Variants in RORA observed in about 807,000 individuals in gnomAD.
RORA encodes the protein nuclear receptor ROR-alpha.
RORA carries 7 observed loss-of-function variants against 69.5 expected under a neutral mutation model. That is an observed-to-expected ratio of 0.10 (90% CI 0.06 to 0.19). The LOEUF is 0.19. Ranked by LOEUF, RORA falls within the 10% of genes least tolerant of loss-of-function variation. The probability of loss-of-function intolerance (pLI) is 1.00; values close to 1 mark genes in which losing one functional copy is unlikely to be tolerated. For missense variants in RORA, 457 were observed against 663.0 expected (o/e 0.69, Z 3.41); for synonymous variants, 261 against 240.8 (o/e 1.08, Z -0.78).
intron 1 of RORA, among the ~76,000 whole-genome samples, chr15:60,781,343 C>T (rs911802717): frequency 2.0e-5 from 3 of 152,174 alleles, no homozygotes; most frequent in African/African-American, 7.2e-5. Context: ...AGGCCACACA[C>T]ATAAGCGAGG....
chr15:60,767,710 T>C (rs2072011611), intron 1 of RORA, among the ~76,000 whole-genome samples: 1 of 152,236 alleles, frequency 6.6e-6, no homozygotes, highest in South Asian at 2.1e-4. Context: ...TTGTGTATTC[T>C]ATTCCCTGTC....
At chr15:60,562,543 C>T (rs1483448338) in intron 2 of RORA, among the ~76,000 whole-genome samples, 1 of 151,960 alleles carries the variant, frequency 6.6e-6, no homozygotes, top group African/African-American at 2.4e-5. Flanking sequence ...TCAGGCGATT[C>T]TCCTGCCTCA....
chr15:60,533,622 C>T (rs1164191121), intron 2 of RORA, among the ~76,000 whole-genome samples: 3 of 152,158 alleles, frequency 2.0e-5, no homozygotes, highest in African/African-American at 4.8e-5. Context: ...TTTTCAGAGA[C>T]GTGGAAAAGC....
chr15:61,227,582 G>C (rs1596087073), intron 1 of RORA, among the ~76,000 whole-genome samples: 3 of 152,084 alleles, frequency 2.0e-5, no homozygotes, highest in Non-Finnish European at 2.9e-5. Flanking sequence ...TAAGGTGGGG[G>C]GGGGGATACT....
At chr15:60,635,688 T>C (rs550423048) in intron 2 of RORA, among the ~76,000 whole-genome samples, 1 of 152,316 alleles carries the variant, frequency 6.6e-6, no homozygotes, top group South Asian at 2.1e-4. Flanking sequence ...AAGGGTGCTA[T>C]GTGGCATTCC....
intron 2 of RORA, among the ~76,000 whole-genome samples, chr15:60,634,300 T>A (rs537841824): frequency 6.6e-6 from 1 of 152,344 alleles, no homozygotes; most frequent in South Asian, 2.1e-4. Flanking sequence ...ACTTGCACTT[T>A]CCCACAGTCC....
chr15:61,209,971 G>A (rs778899394), intron 1 of RORA, among the ~76,000 whole-genome samples: 37 of 152,228 alleles, frequency 2.4e-4, no homozygotes, highest in Admixed American at 1.0e-3. Context: ...CAACTTCCCC[G>A]CCACAGAACC....
At chr15:60,629,904 G>A (rs1281475088) in intron 2 of RORA, among the ~76,000 whole-genome samples, 1 of 152,206 alleles carries the variant, frequency 6.6e-6, no homozygotes, top group African/African-American at 2.4e-5. Flanking sequence ...ATGAATGAAA[G>A]TAACACAAAA....
intron 1 of RORA, among the ~76,000 whole-genome samples, chr15:61,145,897 A>G (rs925258780): frequency 3.3e-5 from 5 of 152,184 alleles, no homozygotes; most frequent in Non-Finnish European, 7.3e-5. Context: ...TATGAATCCC[A>G]CAGAAAGAGA....
At chr15:61,060,243 G>A (rs1015947068) in intron 1 of RORA, among the ~76,000 whole-genome samples, 3 of 152,266 alleles carry the variant, frequency 2.0e-5, no homozygotes, top group East Asian at 1.9e-4. Flanking sequence ...TCTCCACCAC[G>A]CCTAGTATCC....
intron 1 of RORA, among the ~76,000 whole-genome samples, chr15:61,150,887 T>A (rs2079391646): frequency 6.6e-6 from 1 of 152,192 alleles, no homozygotes; most frequent in South Asian, 2.1e-4. Flanking sequence ...CAGCTGCCCT[T>A]TGGTGCTTTC....
chr15:61,151,859 A>C (rs2079400894), intron 1 of RORA, among the ~76,000 whole-genome samples: 1 of 152,128 alleles, frequency 6.6e-6, no homozygotes, highest in Non-Finnish European at 1.5e-5. Context: ...AAAAAACCTA[A>C]ATTCTGGATT....
At chr15:60,734,783 C>T (rs973335691) in intron 1 of RORA, among the ~76,000 whole-genome samples, 1 of 152,220 alleles carries the variant, frequency 6.6e-6, no homozygotes, top group Non-Finnish European at 1.5e-5. Flanking sequence ...TAACGGCAAT[C>T]ATGTAGAGAC....
intron 2 of RORA, among the ~76,000 whole-genome samples, chr15:60,647,819 T>A (rs1261640661): frequency 6.6e-6 from 1 of 152,226 alleles, no homozygotes; most frequent in Non-Finnish European, 1.5e-5. Context: ...TGTATCTGGA[T>A]GAACGTGACC....
At chr15:60,708,443 A>G (rs1263369338) in intron 1 of RORA, among the ~76,000 whole-genome samples, 1 of 151,986 alleles carries the variant, frequency 6.6e-6, no homozygotes, top group African/African-American at 2.4e-5. Context: ...GGAAAAAAAA[A>G]TGTTACCAAC....
chr15:60,510,513 A>G (rs998676586), intron 5 of RORA: 2 of 152,228 alleles, frequency 1.3e-5, no homozygotes, highest in African/African-American at 4.8e-5. Flanking sequence ...TGTCACCAAT[A>G]TCCATCATCA....
intron 1 of RORA, among the ~76,000 whole-genome samples, chr15:60,934,447 T>C (rs1348156122): frequency 1.3e-5 from 2 of 151,602 alleles, no homozygotes; most frequent in Non-Finnish European, 2.9e-5. Context: ...ACTTAGTAGC[T>C]CTGGGATAAG....
At chr15:61,198,330 AG>A (rs1427268568) in intron 1 of RORA, among the ~76,000 whole-genome samples, 1 of 152,182 alleles carries the variant, frequency 6.6e-6, no homozygotes, top group Non-Finnish European at 1.5e-5. Flanking sequence ...CTTTAAATTT[AG>A]ATCTAGGAAG....
In RORA at chr15:61,061,359, A is replaced by AAATT. The variant is rs925050702; in HGVS notation, c.166+167693_166+167694insAATT. 3.9e-5 allele frequency among the ~76,000 whole-genome samples: 5 copies of AAATT among 129,572 alleles called. No homozygotes were observed. Among genetic ancestry groups the AAATT allele is most frequent in the African/African-American group, 1.6e-4 (5 of 31,962 alleles). 85.0% of individuals were successfully genotyped at this position (129,572 alleles called of 152,430 possible). ...AGAGCGAGGCTCTATCTTAAAAAAT[A>AAATT]AATAAATAAATAAATAAATAAATAA... is the stretch of plus-strand genomic sequence containing the variant. On this transcript the variant is annotated intron_variant, in intron 1 of 10. Coordinates refer to ENST00000335670, the MANE Select transcript of RORA (RefSeq NM_134261.3). This position sits in a 1 kb window ranked among gnomAD's most constrained non-coding sequence, Gnocchi z 4.4.
Sources: gnomAD v4.1 joint callset for allele counts (sites outside exome capture counted in the v4.1 genomes callset) on GRCh38, gnomAD v4.1.1 for gene constraint, Gnocchi (gnomAD v3.1) non-coding constraint, MANE v1.5 for transcripts, NCBI Gene and HGNC (gene_info 2026-07-23, HGNC 2026-07-21) for gene names.